The following ABI3BP variants were observed in gnomAD, a reference collection of about 807,000 sequenced individuals.
ABI3BP encodes target of Nesh-SH3.
Under a neutral mutation model 268.6 loss-of-function variants are expected in ABI3BP, and 216 were observed. That is an observed-to-expected ratio of 0.80 (90% CI 0.72 to 0.90). ABI3BP has a LOEUF of 0.90. ABI3BP is among the 40% of genes least tolerant of loss of function. The pLI is 0.00. For synonymous variants in ABI3BP, 730 were observed against 730.0 expected, an observed-to-expected ratio of 1.00 and a Z score of 0.00; for missense variants, 2,090 against 2,182.4, an observed-to-expected ratio of 0.96 and a Z score of 0.84.
intron 20 of ABI3BP, chr3:100,844,538 T>C (rs1440297497): frequency 1.3e-5 from 11 of 829,368 alleles, no homozygotes; most frequent in African/African-American, 1.8e-5. Flanking sequence ...GGGAAAGGCC[T>C]CAAAAAGCTT....
intron 38 of ABI3BP, among the ~76,000 whole-genome samples, chr3:100,821,966 C>G (rs2098244525): frequency 6.6e-6 from 1 of 152,024 alleles, no homozygotes; most frequent in Non-Finnish European, 1.5e-5. Context: ...CTACTTGTGT[C>G]TTTTCCTTTT....
chr3:100,812,554 T>C (rs1204933290), intron 45 of ABI3BP, 31 bp from the exon 46 acceptor site: 1 of 1,291,402 alleles, frequency 7.7e-7, no homozygotes, highest in African/African-American at 1.5e-5. Flanking sequence ...GTACAATTGA[T>C]AAAGGATAGG....
intron 1 of ABI3BP, among the ~76,000 whole-genome samples, chr3:100,934,753 CAT>C (rs2065282394): frequency 1.3e-5 from 2 of 149,200 alleles, no homozygotes; most frequent in South Asian, 2.1e-4. Flanking sequence ...GCTTTTTTTT[CAT>C]ATGTTTGTTG....
chr3:100,965,143 C>T (rs2080792697), intron 1 of ABI3BP, among the ~76,000 whole-genome samples: 1 of 152,148 alleles, frequency 6.6e-6, no homozygotes, highest in Non-Finnish European at 1.5e-5. Flanking sequence ...ACACATAAGC[C>T]AACTCTTTTC....
At position 100,753,990 on chromosome 3, in the gene ABI3BP, A is replaced by C. The variant is rs1227000947; in HGVS notation, c.4931-142T>G. Reference sequence around the variant, plus strand: ...ACTCTTTTGCTAAGGATTGAATTTGAAAGTTTGCTTTGTTTTGGAAATTGT... The same window carrying C: ...ACTCTTTTGCTAAGGATTGAATTTGCAAGTTTGCTTTGTTTTGGAAATTGT... On this transcript the variant is annotated intron_variant, in intron 64 of 67. Transcript: ENST00000471714. 3 of 899,088 alleles carry C rather than the reference A, an allele frequency of 3.3e-6. No individual in the cohort carries two copies. The African/African-American group carries it at 5.0e-5, about 15-fold the overall frequency. 55.7% of individuals were successfully genotyped at this position (899,088 alleles called of 1,614,324 possible). A position where few individuals can be genotyped will look rare whatever the true frequency, so the allele number is the denominator to read the frequency against.
intron 1 of ABI3BP, among the ~76,000 whole-genome samples, chr3:100,941,117 G>A (rs1420916642): frequency 6.6e-6 from 1 of 151,344 alleles, no homozygotes; most frequent in African/African-American, 2.4e-5. Flanking sequence ...AGGAATGGGG[G>A]CTTTTTAAAA....
intron 1 of ABI3BP, among the ~76,000 whole-genome samples, chr3:100,962,916 C>G (rs1037040625): frequency 2.0e-5 from 3 of 152,152 alleles, no homozygotes; most frequent in African/African-American, 7.2e-5. Context: ...TTATAGGAAA[C>G]AGCCTACTCA....
At chr3:100,817,097 T>G (rs1019745843) in intron 42 of ABI3BP, among the ~76,000 whole-genome samples, 3 of 152,184 alleles carry the variant, frequency 2.0e-5, no homozygotes, top group Non-Finnish European at 4.4e-5. Context: ...TAGAGTTTAG[T>G]CAGTTTAGAT....
At chr3:100,902,825 G>T in intron 2 of ABI3BP, 139 bp from the exon 3 acceptor site, 1 of 636,024 alleles carries the variant, frequency 1.6e-6, no homozygotes, top group Non-Finnish European at 2.7e-6. Context: ...CCAATAATCC[G>T]AAAAGTTGAC....
intron 6 of ABI3BP, among the ~76,000 whole-genome samples, chr3:100,883,330 CTA>C (rs1157070639): frequency 1.3e-5 from 2 of 152,006 alleles, no homozygotes; most frequent in African/African-American, 4.8e-5. Flanking sequence ...CATGAGTTGT[CTA>C]TTTCAAAAAT....
chr3:100,782,563 G>A (rs9860967), intron 57 of ABI3BP, among the ~76,000 whole-genome samples: 17,273 of 151,424 alleles, frequency 0.11, 1,643 homozygotes, highest in African/African-American at 0.26. Flanking sequence ...TGTGTGGCTC[G>A]GTGGAAAGAT....
rs2095466170 is a variant in ABI3BP, at chr3:100,753,756, G to A, written c.4960+63C>T. ...GAAATCATGATTCAGATTCTGCCAT[G>A]CCTGTTCAGTTGAATAAATTTAGAA... On this transcript the variant is annotated intron_variant, in intron 65 of 67. Transcript: ENST00000471714. 7 of 1,557,022 alleles carry A rather than the reference G, an allele frequency of 4.5e-6. No individual in the cohort carries two copies. The South Asian group carries it at 8.1e-5, about 18-fold the overall frequency.
intron 4 of ABI3BP, among the ~76,000 whole-genome samples, chr3:100,897,670 G>A (rs2048356298): frequency 6.6e-6 from 1 of 152,170 alleles, no homozygotes; most frequent in African/African-American, 2.4e-5. Context: ...ACTTTCTAGA[G>A]TGATAAAATT....
chr3:100,921,285 T>C (rs1391136015), intron 2 of ABI3BP, among the ~76,000 whole-genome samples: 1 of 152,248 alleles, frequency 6.6e-6, no homozygotes, highest in Non-Finnish European at 1.5e-5. Context: ...ACTAAAGCAA[T>C]TCTTCAACGT....
chr3:100,795,669 AAG>A (rs2097324376), intron 53 of ABI3BP, 133 bp downstream of exon 53: 1 of 736,440 alleles, frequency 1.4e-6, no homozygotes, highest in South Asian at 2.0e-5. Context: ...CTGTTTTGGA[AAG>A]AGTAATAATA....
At chr3:100,929,577 A>G (rs891562835) in intron 1 of ABI3BP, among the ~76,000 whole-genome samples, 3 of 152,100 alleles carry the variant, frequency 2.0e-5, no homozygotes, top group Non-Finnish European at 4.4e-5. Context: ...ACACAGCATC[A>G]CAAACTTAAT....
chr3:100,854,681 G>A (rs1164720414), intron 14 of ABI3BP, among the ~76,000 whole-genome samples: 2 of 152,170 alleles, frequency 1.3e-5, no homozygotes, highest in Non-Finnish European at 2.9e-5. Context: ...ACATTAAGCA[G>A]TATTACTGAT....
chr3:100,959,961 TA>T (rs1209583417), intron 1 of ABI3BP, among the ~76,000 whole-genome samples: 17 of 152,206 alleles, frequency 1.1e-4, no homozygotes, highest in South Asian at 2.1e-4. Context: ...TCAGTTTTTT[TA>T]AAAAAAATTT....
chr3:100,827,063 C>A (rs139811323), intron 34 of ABI3BP, among the ~76,000 whole-genome samples: 23 of 152,098 alleles, frequency 1.5e-4, no homozygotes, highest in South Asian at 4.1e-4. Flanking sequence ...GACTTCAAGA[C>A]CCAAATTCTT....
Sources: allele counts gnomAD v4.1 joint callset (sites outside exome capture counted in the v4.1 genomes callset), GRCh38; gene constraint gnomAD v4.1.1; transcripts MANE v1.5; gene names NCBI Gene and HGNC (gene_info 2026-07-23, HGNC 2026-07-21).